The following SLC30A9 variants were observed in gnomAD, a reference collection of about 807,000 sequenced individuals.
SLC30A9 encodes solute carrier family 30 member 9.
SLC30A9 carries 58 observed loss-of-function variants against 87.5 expected under a neutral mutation model. That is an observed-to-expected ratio of 0.66 (90% CI 0.54 to 0.82). SLC30A9 has a LOEUF of 0.82. SLC30A9 is among the 40% of genes least tolerant of loss of function. The pLI, the probability that SLC30A9 is intolerant of heterozygous loss-of-function variation, is 0.00. For synonymous variants in SLC30A9, 234 were observed against 233.0 expected, an observed-to-expected ratio of 1.00 and a Z score of -0.04; for missense variants, 557 against 679.1, an observed-to-expected ratio of 0.82 and a Z score of 2.00.
chr4:42,045,160 A>G (rs371752954), intron 8 of SLC30A9, among the ~76,000 whole-genome samples: 29 of 152,202 alleles, frequency 1.9e-4, no homozygotes, highest in African/African-American at 6.0e-4. Flanking sequence ...AACTAGAGAA[A>G]CAAGAGTAAA....
intron 7 of SLC30A9, among the ~76,000 whole-genome samples, chr4:42,037,085 CG>C (rs1716705023): frequency 2.0e-5 from 3 of 152,044 alleles, no homozygotes; most frequent in East Asian, 1.9e-4. Context: ...GCTATTACAA[CG>C]TTTTTTTGCT....
intron 8 of SLC30A9, among the ~76,000 whole-genome samples, chr4:42,049,087 C>T (rs1274854692): frequency 6.6e-6 from 1 of 152,130 alleles, no homozygotes; most frequent in Non-Finnish European, 1.5e-5. Flanking sequence ...CTCAGCCTCT[C>T]AGTAGCTGGG....
intron 9 of SLC30A9, among the ~76,000 whole-genome samples, chr4:42,055,409 CAG>C (rs1464578599): frequency 2.6e-5 from 4 of 151,890 alleles, no homozygotes; most frequent in African/African-American, 9.7e-5. Flanking sequence ...TTTTTTGAGA[CAG>C]AGTCTCGCTG....
chr4:42,039,087 A>G, intron 8 of SLC30A9, 34 bp downstream of exon 8: 6 of 1,468,562 alleles, frequency 4.1e-6, no homozygotes. Flanking sequence ...GTGAAATAGA[A>G]TATATTCTTT....
chr4:42,007,607 C>T (rs543991078), intron 2 of SLC30A9, among the ~76,000 whole-genome samples: 1 of 27,360 alleles, frequency 3.7e-5, no homozygotes, highest in East Asian at 0.045. Flanking sequence ...AAAAATTAGC[C>T]GGAGCCGGGC....
chr4:42,001,309 G>A lies in SLC30A9; in HGVS notation c.110-307G>A, dbSNP rs534860175. Among the ~76,000 whole-genome samples the A allele has an allele frequency of 2.1e-4, 32 of 152,112 alleles. No individual in the cohort carries two copies. The South Asian group carries it at 4.8e-3, about 23-fold the overall frequency. On this transcript the variant is annotated intron_variant, in intron 1 of 17. Transcript: ENST00000264451. ...CTCCCAGAGTCCTTTATTCTGAAAA[G>A]TAATTATGCCAACATTTTTTTAGCT...
chr4:42,074,396 T>C (rs533335292), intron 15 of SLC30A9, among the ~76,000 whole-genome samples: 33 of 152,334 alleles, frequency 2.2e-4, no homozygotes, highest in Non-Finnish European at 3.7e-4. Flanking sequence ...ATTTCTTATA[T>C]GTGCTGTACA....
chr4:42,082,955 A>G (rs1357350843), intron 17 of SLC30A9, among the ~76,000 whole-genome samples: 1 of 152,220 alleles, frequency 6.6e-6, no homozygotes, highest in Non-Finnish European at 1.5e-5. Flanking sequence ...GGAACTACAA[A>G]ATTAATATAA....
Position 41,990,721 on chromosome 4 carries a change from C to T in SLC30A9, c.70C>T (p.Arg24Ter). The T allele has an allele frequency of 6.2e-7, 1 of 1,611,700 alleles. No homozygotes were observed. Among genetic ancestry groups the T allele is most frequent in the Non-Finnish European group, 8.5e-7 (1 of 1,179,266 alleles). The change falls in exon 1 of 18, where the codon CGA becomes TGA. Residue 24 changes from arginine to a stop codon, truncating the protein, a stop_gained. Coordinates refer to ENST00000264451, the MANE Select transcript of SLC30A9 (RefSeq NM_006345.4). LOFTEE classifies it high-confidence loss of function. ...GTCCTCCCTGTGCCGGCTCCGTCTG[C>T]GATGCAGGGCGGCGGCCTGTAATCC... ...SWSSLCRLRL[R>*]CRAAACNPSD...
At position 42,086,817 on chromosome 4, in the gene SLC30A9, T is replaced by G. The variant is rs141256371; in HGVS notation, c.*691T>G. 205 of 152,742 alleles carry G rather than the reference T, an allele frequency of 1.3e-3. No individual in the cohort carries two copies. The highest frequency in any genetic ancestry group is 3.4e-3 in the Middle Eastern group (1 of 294). 9.5% of individuals were successfully genotyped at this position (152,742 alleles called of 1,614,324 possible). On this transcript the variant is annotated 3_prime_UTR_variant, in exon 18 of 18. Coordinates refer to ENST00000264451, the MANE Select transcript of SLC30A9 (RefSeq NM_006345.4). Reference sequence around the variant, plus strand: ...ATTTCTTTTTTCTTCTTTGCTTTTTTCCCCTTATTTGGTTTAATTTTTCTA... The same window carrying G: ...ATTTCTTTTTTCTTCTTTGCTTTTTGCCCCTTATTTGGTTTAATTTTTCTA...
At chr4:42,013,878 A>G (rs1715568229) in intron 2 of SLC30A9, among the ~76,000 whole-genome samples, 1 of 152,228 alleles carries the variant, frequency 6.6e-6, no homozygotes, top group Non-Finnish European at 1.5e-5. Flanking sequence ...CAACCAGAGC[A>G]AAAATGGACA....
intron 1 of SLC30A9, among the ~76,000 whole-genome samples, chr4:41,996,838 A>G (rs1714734875): frequency 6.6e-6 from 1 of 152,120 alleles, no homozygotes; most frequent in Non-Finnish European, 1.5e-5. Flanking sequence ...GTTCAAGACC[A>G]GTCTGGCCCA....
At chr4:42,084,132 A>G (rs1011433453) in intron 17 of SLC30A9, among the ~76,000 whole-genome samples, 4 of 152,082 alleles carry the variant, frequency 2.6e-5, no homozygotes, top group African/African-American at 9.7e-5. Context: ...TATTTTTGCA[A>G]TTTTTATCAA....
chr4:42,069,992 A>G (rs932663379), intron 14 of SLC30A9, among the ~76,000 whole-genome samples: 2 of 152,182 alleles, frequency 1.3e-5, no homozygotes, highest in Admixed American at 1.3e-4. Flanking sequence ...ATGGCATGTA[A>G]TGAATTAAGT....
In SLC30A9 at chr4:42,001,610, T is replaced by G; in HGVS notation, c.110-6T>G. Reference sequence around the variant, plus strand: ...GAAATTAAAGTATATATATTTTTTCTTTTAGAGTGGCAGAATTTAGTGACA... The same window carrying G: ...GAAATTAAAGTATATATATTTTTTCGTTTAGAGTGGCAGAATTTAGTGACA... On this transcript the variant is annotated splice_polypyrimidine_tract_variant and splice_region_variant and intron_variant, in intron 1 of 17. Coordinates refer to ENST00000264451, the MANE Select transcript of SLC30A9 (RefSeq NM_006345.4). The G allele has an allele frequency of 1.3e-6, 2 of 1,564,900 alleles. No individual in the cohort carries two copies. The highest frequency in any genetic ancestry group is 2.3e-5 in the South Asian group (2 of 86,434).
chr4:42,038,924 C>G (rs1284675254), intron 7 of SLC30A9, 62 bp from the exon 8 acceptor site: 4 of 1,065,544 alleles, frequency 3.8e-6, no homozygotes, highest in African/African-American at 1.6e-5. Context: ...TCAAAGCCAC[C>G]AGTTACAGTG....
intron 6 of SLC30A9, among the ~76,000 whole-genome samples, chr4:42,028,070 T>C (rs2153136223): frequency 1.3e-5 from 2 of 152,354 alleles, no homozygotes; most frequent in East Asian, 3.9e-4. Context: ...ACTGGAGAAT[T>C]ACCCTTTGTG....
chr4:42,025,996 C>T (rs756486282), intron 6 of SLC30A9, among the ~76,000 whole-genome samples: 3 of 152,038 alleles, frequency 2.0e-5, no homozygotes, highest in Non-Finnish European at 4.4e-5. Flanking sequence ...CTATGTTGCC[C>T]AGGCTGGAAT....
rs1718921818 is a variant in SLC30A9 at position 42,086,241 on chromosome 4, T to C, written c.*115T>C. The C allele has an allele frequency of 1.9e-6, 1 of 534,688 alleles. No individual in the cohort carries two copies. Among genetic ancestry groups the C allele is most frequent in the South Asian group, 4.1e-5 (1 of 24,502 alleles). The allele number at this position is 534,688 out of a possible 1,614,324, so 33.1% of individuals were successfully genotyped here. The stretch of plus-strand genomic sequence containing the variant: ...ACTCAGTGCCATGCAGAAGCCTTTT[T>C]TTTAAGATGAAGGAAATATTTTATG... On this transcript the variant is annotated 3_prime_UTR_variant, in exon 18 of 18. Coordinates refer to ENST00000264451, the MANE Select transcript of SLC30A9 (RefSeq NM_006345.4).
Sources: gnomAD v4.1 joint callset for allele counts (sites outside exome capture counted in the v4.1 genomes callset) on GRCh38, gnomAD v4.1.1 for gene constraint, MANE v1.5 for transcripts, NCBI Gene and HGNC (gene_info 2026-07-23, HGNC 2026-07-21) for gene names.